EXOC4: variants seen among roughly 807,000 people sequenced by gnomAD.
EXOC4 encodes SEC8-like 1.
A neutral mutation model predicts 107.2 loss-of-function variants in EXOC4; 71 were observed. The ratio of observed to expected loss-of-function variants is 0.66; its 90% CI spans 0.55 to 0.81. The LOEUF is 0.81. EXOC4 is among the 30% of genes least tolerant of loss of function. EXOC4 has a pLI of 0.00. For synonymous variants in EXOC4, 456 were observed against 441.2 expected (o/e 1.03, Z -0.42); for missense variants, 1,108 against 1,189.6 (o/e 0.93, Z 1.01).
intron 11 of EXOC4, among the ~76,000 whole-genome samples, chr7:133,864,582 A>G (rs1798597926): frequency 6.6e-6 from 1 of 152,246 alleles, no homozygotes; most frequent in Admixed American, 6.5e-5. Flanking sequence ...TAAATTGCCA[A>G]ATCCTTTCCT....
At chr7:133,378,289 G>A (rs530796602) in intron 7 of EXOC4, among the ~76,000 whole-genome samples, 2 of 148,778 alleles carry the variant, frequency 1.3e-5, no homozygotes, top group Admixed American at 6.8e-5. Flanking sequence ...CAGCCTGGGC[G>A]GCAGAGTGAG....
chr7:133,425,349 G>A lies in EXOC4; in HGVS notation c.1183-49979G>A, dbSNP rs555129772. Among the ~76,000 whole-genome samples the A allele has an allele frequency of 7.2e-5, 11 of 152,240 alleles. 1 individual carries two copies. The South Asian group carries it at 1.7e-3, about 23-fold the overall frequency. On this transcript the variant is annotated intron_variant, in intron 7 of 17. Transcript: ENST00000253861. The stretch of plus-strand genomic sequence containing the variant: ...GTCACCTAGGCTGGAGTGCAATGGC[G>A]CAATCTTGGCTCACTGCAACCTCTG...
chr7:133,513,576 T>A lies in EXOC4; in HGVS notation c.1417+33438T>A, dbSNP rs73445069. Among the ~76,000 whole-genome samples the A allele has an allele frequency of 3.6e-3, 555 of 152,324 alleles. 8 individuals are homozygous for A. Among genetic ancestry groups the A allele is most frequent in the African/African-American group, 0.013 (538 of 41,574 alleles). On this transcript the variant is annotated intron_variant, in intron 9 of 17. Coordinates refer to ENST00000253861, the MANE Select transcript of EXOC4 (RefSeq NM_021807.4). Reference sequence around the variant, plus strand: ...CCTTGATTTAAATGATCCAGTATCCTGTCTTTTTGTGTTCTTGGGTCTGAT... The same window carrying A: ...CCTTGATTTAAATGATCCAGTATCCAGTCTTTTTGTGTTCTTGGGTCTGAT...
At chr7:133,514,331 A>G (rs1286484207) in intron 9 of EXOC4, among the ~76,000 whole-genome samples, 2 of 151,948 alleles carry the variant, frequency 1.3e-5, no homozygotes, top group East Asian at 3.9e-4. Context: ...CGCCCAGCTA[A>G]TTTTATATTT....
At chr7:134,095,254 T>C in the EXOC4 span, among the ~76,000 whole-genome samples, 1 of 151,892 alleles carries the variant, frequency 6.6e-6, no homozygotes, top group African/African-American at 2.4e-5. Context: ...TAGGAATACG[T>C]ATAACCAAGA....
chr7:134,041,024 C>T (rs1795503377), intron 17 of EXOC4, among the ~76,000 whole-genome samples: 1 of 152,162 alleles, frequency 6.6e-6, no homozygotes, highest in African/African-American at 2.4e-5. Context: ...TCCTTCCCCT[C>T]CCCAAACTGA....
chr7:133,692,437 C>G (rs1436106736), intron 10 of EXOC4, among the ~76,000 whole-genome samples: 2 of 152,176 alleles, frequency 1.3e-5, no homozygotes, highest in East Asian at 3.9e-4. Flanking sequence ...TGGTGTACAA[C>G]TCTTTAACAC....
At chr7:133,699,658 C>T (rs1018235208) in intron 10 of EXOC4, among the ~76,000 whole-genome samples, 1 of 152,044 alleles carries the variant, frequency 6.6e-6, no homozygotes, top group African/African-American at 2.4e-5. Context: ...TGCATGAGGG[C>T]CTGTCTTTCA....
intron 4 of EXOC4, among the ~76,000 whole-genome samples, chr7:133,308,799 A>T (rs1794808518): frequency 6.6e-6 from 1 of 152,202 alleles, no homozygotes; most frequent in Non-Finnish European, 1.5e-5. Flanking sequence ...ATATTATGTG[A>T]TCTGAAGTGA....
intron 9 of EXOC4, among the ~76,000 whole-genome samples, chr7:133,592,242 T>A (rs1039680095): frequency 1.3e-5 from 2 of 152,130 alleles, no homozygotes; most frequent in Non-Finnish European, 2.9e-5. Context: ...TTTAAAAAAA[T>A]TTCTGTATAG....
chr7:133,350,291 GT>G (rs1320672613), intron 5 of EXOC4, among the ~76,000 whole-genome samples: 1 of 151,994 alleles, frequency 6.6e-6, no homozygotes, highest in Non-Finnish European at 1.5e-5. Flanking sequence ...TCTTCTGAGA[GT>G]TTTATTGTTT....
chr7:133,741,101 G>A (rs1222214463), intron 10 of EXOC4, among the ~76,000 whole-genome samples: 1 of 152,184 alleles, frequency 6.6e-6, no homozygotes, highest in Admixed American at 6.5e-5. Flanking sequence ...TATCGCATGT[G>A]TAGAAAGTTG....
At chr7:134,007,128 A>G (rs540449919) in intron 16 of EXOC4, among the ~76,000 whole-genome samples, 1 of 152,262 alleles carries the variant, frequency 6.6e-6, no homozygotes, top group African/African-American at 2.4e-5. Context: ...CAATAACCCA[A>G]TTTCTTATTG....
intron 10 of EXOC4, among the ~76,000 whole-genome samples, chr7:133,755,430 G>T (rs1795895786): frequency 7.0e-6 from 1 of 143,738 alleles, no homozygotes; most frequent in Non-Finnish European, 1.5e-5. Flanking sequence ...TGCAACCTCC[G>T]CCTCCTGGGT....
At chr7:133,895,415 G>A (rs7805562) in intron 11 of EXOC4, among the ~76,000 whole-genome samples, 184 bp from the exon 12 acceptor site, 1 of 152,168 alleles carries the variant, frequency 6.6e-6, no homozygotes, top group Non-Finnish European at 1.5e-5. Flanking sequence ...GGGAGCTGTA[G>A]ACCAGAGCTG....
intron 11 of EXOC4, among the ~76,000 whole-genome samples, chr7:133,867,231 A>G (rs1333268244): frequency 6.6e-6 from 1 of 152,216 alleles, no homozygotes; most frequent in Non-Finnish European, 1.5e-5. Flanking sequence ...CCTGTGCCTC[A>G]GTTTTCTCTT....
At chr7:133,840,314 A>T (rs1797999440) in intron 11 of EXOC4, among the ~76,000 whole-genome samples, 1 of 152,164 alleles carries the variant, frequency 6.6e-6, no homozygotes, top group Non-Finnish European at 1.5e-5. Context: ...TTCTATTCGT[A>T]ACAGGCAAAA....
At chr7:133,722,922 T>A (rs571502997) in intron 10 of EXOC4, among the ~76,000 whole-genome samples, 1 of 152,230 alleles carries the variant, frequency 6.6e-6, no homozygotes, top group Non-Finnish European at 1.5e-5. Flanking sequence ...TGTGCATTTA[T>A]TAAACTACTC....
intron 14 of EXOC4, among the ~76,000 whole-genome samples, chr7:133,970,584 C>T (rs893753332): frequency 2.9e-4 from 44 of 152,158 alleles, no homozygotes; most frequent in African/African-American, 1.0e-3. Flanking sequence ...CACGGCTTCC[C>T]TTGGCTAGGG....
Sources: gnomAD v4.1 joint callset for allele counts (sites outside exome capture counted in the v4.1 genomes callset) on GRCh38, gnomAD v4.1.1 for gene constraint, MANE v1.5 for transcripts, NCBI Gene and HGNC (gene_info 2026-07-23, HGNC 2026-07-21) for gene names.